Variants in MPHOSPH8 observed in about 807,000 individuals in gnomAD.
MPHOSPH8 encodes the protein M-phase phosphoprotein, mpp.
A neutral mutation model predicts 87.3 loss-of-function variants in MPHOSPH8; 45 were observed. The ratio of observed to expected loss-of-function variants is 0.52; its 90% CI spans 0.41 to 0.66. MPHOSPH8 has a LOEUF of 0.66. Ranked by LOEUF, MPHOSPH8 falls within the 30% of genes least tolerant of loss-of-function variation. The pLI is 0.00. For missense variants in MPHOSPH8, 883 were observed against 1,020.2 expected, an observed-to-expected ratio of 0.87 and a Z score of 1.83; for synonymous variants, 366 against 376.9, an observed-to-expected ratio of 0.97 and a Z score of 0.33.
chr13:19,653,946 A>C (rs1875006687), intron 5 of MPHOSPH8, among the ~76,000 whole-genome samples: 1 of 152,232 alleles, frequency 6.6e-6, no homozygotes, highest in Non-Finnish European at 1.5e-5. Flanking sequence ...TGTACGTGAA[A>C]GTGACGAGGA....
At chr13:19,638,667 G>C (rs1874126383) in intron 1 of MPHOSPH8, among the ~76,000 whole-genome samples, 1 of 152,008 alleles carries the variant, frequency 6.6e-6, no homozygotes, top group Non-Finnish European at 1.5e-5. Flanking sequence ...CTTGAGTTCA[G>C]ATTCTACTCA....
At chr13:19,649,982 C>T in intron 4 of MPHOSPH8, 21 bp from the exon 5 acceptor site, 1 of 1,527,498 alleles carries the variant, frequency 6.5e-7, no homozygotes, top group South Asian at 1.2e-5. Flanking sequence ...ACTTAACCAT[C>T]TATTTTAATT....
rs199790735 is a variant in MPHOSPH8, at chr13:19,670,309, G to A, written c.2403G>A (p.Pro801=). ...GKEVIARLCG[P]CSVQAVVLND... ...AAGTTATTGCTCGGCTCTGTGGACC[G>A]TGTAGTGTACAAGCTGTAGTTCTGA... The change falls in exon 12 of 14, where the codon CCG becomes CCA. Residue 801 remains proline, a synonymous_variant. Coordinates refer to ENST00000361479, the MANE Select transcript of MPHOSPH8 (RefSeq NM_017520.4). The A allele has an allele frequency of 8.1e-6, 13 of 1,613,946 alleles. No individual in the cohort carries two copies. The highest frequency in any genetic ancestry group is 4.0e-5 in the African/African-American group (3 of 75,036).
Position 19,672,988 on chromosome 13 carries a change from C to G in MPHOSPH8, c.*1113C>G, listed in dbSNP as rs1460956865. The G allele has an allele frequency of 1.2e-5, 5 of 415,612 alleles. No homozygotes were observed. The highest frequency in any genetic ancestry group is 6.1e-5 in the Admixed American group (2 of 33,052). 25.7% of individuals were successfully genotyped at this position (415,612 alleles called of 1,614,324 possible). A position where few individuals can be genotyped will look rare whatever the true frequency, so the allele number is the denominator to read the frequency against. ...AAAGGATTGCTTGAGCCAGGGAGGT[C>G]AAGGCTGCAGTGAGCCGTGAAAGGC... On this transcript the variant is annotated 3_prime_UTR_variant, in exon 14 of 14. Transcript: ENST00000361479.
At position 19,659,267 on chromosome 13, in the gene MPHOSPH8, A is replaced by G; in HGVS notation, c.1769A>G (p.Glu590Gly). ...GTAAAAGTTGCACTTAATTCAAATG[A>G]AGAATATAACCTGGACCAAGAGGTA... ...ITVKVALNSN[E>G]EYNLDQEDSS... The change falls in exon 7 of 14, where the codon GAA becomes GGA. Residue 590 changes from glutamate (E) to glycine (G), a missense_variant. Physicochemically the swap from Glu to Gly is moderately conservative, Grantham distance 98. Coordinates refer to ENST00000361479, the MANE Select transcript of MPHOSPH8 (RefSeq NM_017520.4). 1 of 1,611,176 alleles carries G rather than the reference A, an allele frequency of 6.2e-7. No individual in the cohort carries two copies. Among genetic ancestry groups the G allele is most frequent in the South Asian group, 1.1e-5 (1 of 90,976 alleles).
chr13:19,668,774 T>A (rs1382939457), intron 11 of MPHOSPH8, among the ~76,000 whole-genome samples: 3 of 151,644 alleles, frequency 2.0e-5, no homozygotes, highest in African/African-American at 4.9e-5. Context: ...TAGTTCTCAA[T>A]GAGTTTTATT....
At chr13:19,662,919 C>G in intron 8 of MPHOSPH8, 121 bp from the exon 9 acceptor site, 1 of 841,888 alleles carries the variant, frequency 1.2e-6, no homozygotes, top group Non-Finnish European at 1.9e-6. Flanking sequence ...TGCTGCAGCC[C>G]GCAACCACTT....
chr13:19,635,291 C>T (rs979467246), intron 1 of MPHOSPH8, among the ~76,000 whole-genome samples: 12 of 152,086 alleles, frequency 7.9e-5, no homozygotes, highest in Non-Finnish European at 1.8e-4. Context: ...GAGGCCAAGG[C>T]GGACGGATCA....
intron 11 of MPHOSPH8, among the ~76,000 whole-genome samples, 179 bp from the exon 12 acceptor site, chr13:19,670,057 G>A (rs1161584224): frequency 6.6e-6 from 1 of 152,242 alleles, no homozygotes; most frequent in Non-Finnish European, 1.5e-5. Context: ...TTCTGTGGTT[G>A]AAAAATGCCA....
At chr13:19,634,489 T>C (rs1210476151) in intron 1 of MPHOSPH8, among the ~76,000 whole-genome samples, 1 of 152,170 alleles carries the variant, frequency 6.6e-6, no homozygotes, top group Admixed American at 6.5e-5. Flanking sequence ...GTTGTATAGC[T>C]CGCAGCCACA....
At chr13:19,654,702 A>G (rs1875053311) in intron 5 of MPHOSPH8, among the ~76,000 whole-genome samples, 1 of 152,232 alleles carries the variant, frequency 6.6e-6, no homozygotes, top group South Asian at 2.1e-4. Context: ...TATTCCCAGC[A>G]CTTTGGGAGG....
At chr13:19,637,309 A>G (rs1874059174) in intron 1 of MPHOSPH8, among the ~76,000 whole-genome samples, 1 of 152,222 alleles carries the variant, frequency 6.6e-6, no homozygotes, top group African/African-American at 2.4e-5. Context: ...GTAATTTTCT[A>G]GTCTCCACTG....
Position 19,666,467 on chromosome 13 carries a change from G to C in MPHOSPH8, c.2062G>C (p.Glu688Gln), listed in dbSNP as rs1019914790. The C allele has an allele frequency of 1.9e-6, 3 of 1,611,068 alleles. No individual in the cohort carries two copies. The highest frequency in any genetic ancestry group is 2.5e-6 in the Non-Finnish European group (3 of 1,177,486). ...GNSDIVRLVIECGADCNILSK... is the reference protein window; with the variant it reads ...GNSDIVRLVIQCGADCNILSK... ...TTCAGACATCGTACGACTCGTAATT[G>C]AATGTGGAGCTGACTGCAATATTTT... Residue 688 changes from glutamate to glutamine, a missense_variant, in exon 10 of 14, where the codon GAA becomes CAA. Glu to Gln is a conservative substitution (Grantham distance 29). Transcript: ENST00000361479.
chr13:19,654,047 A>C (rs1875013546), intron 5 of MPHOSPH8, among the ~76,000 whole-genome samples: 1 of 152,196 alleles, frequency 6.6e-6, no homozygotes, highest in Admixed American at 6.5e-5. Flanking sequence ...AAATTCAGGA[A>C]ATACAGAGAG....
Position 19,661,797 on chromosome 13 carries a change from C to T in MPHOSPH8, c.1891C>T (p.Gln631Ter). Reference sequence around the variant, plus strand: ...AAAAGGCGCGAAAGTGAACGGTCGGCAGAAGAACGGGACCACCGCCCTCAT... The same window carrying T: ...AAAAGGCGCGAAAGTGAACGGTCGGTAGAAGAACGGGACCACCGCCCTCAT... ...ITKGAKVNGR[Q>*]KNGTTALIHA... The change falls in exon 8 of 14, where the codon CAG (glutamine) becomes TAG (stop). Residue 631 changes from glutamine to a stop codon, truncating the protein, a stop_gained. Transcript: ENST00000361479. LOFTEE classifies it high-confidence loss of function. 6 of 1,613,330 alleles carry T rather than the reference C, an allele frequency of 3.7e-6. No homozygotes were observed. The highest frequency in any genetic ancestry group is 5.1e-6 in the Non-Finnish European group (6 of 1,179,622).
At chr13:19,663,227 GT>G in intron 9 of MPHOSPH8, 101 bp downstream of exon 9, 4 of 1,069,308 alleles carry the variant, frequency 3.7e-6, no homozygotes, top group Non-Finnish European at 5.7e-6. Flanking sequence ...TGAGAACAGA[GT>G]GGGTACCAAG....
Position 19,666,515 on chromosome 13 carries a change from C to CTT in MPHOSPH8, c.2111_2112insTT (p.His705CysfsTer16). 6.2e-7 allele frequency: 1 copy of CTT among 1,607,828 alleles called. No individual in the cohort carries two copies. The highest frequency in any genetic ancestry group is 2.2e-5 in the East Asian group (1 of 44,710). On this transcript the variant is annotated frameshift_variant, in exon 10 of 14. Transcript: ENST00000361479. LOFTEE classifies it high-confidence loss of function. ...TTTGTCAAAGCACCAGAATAGTGCCCTGCACTTTGCGAAGCAGTCTAACAA... is the reference window on the plus strand; with the variant it reads ...TTTGTCAAAGCACCAGAATAGTGCCCTTTGCACTTTGCGAAGCAGTCTAACAA...
chr13:19,652,960 C>T (rs946994680), intron 5 of MPHOSPH8, among the ~76,000 whole-genome samples: 4 of 152,196 alleles, frequency 2.6e-5, no homozygotes, highest in Non-Finnish European at 5.9e-5. Flanking sequence ...CCCCCATCTC[C>T]CTGGGACAGA....
At chr13:19,649,226 A>T (rs1874721909) in intron 4 of MPHOSPH8, among the ~76,000 whole-genome samples, 1 of 152,166 alleles carries the variant, frequency 6.6e-6, no homozygotes, top group South Asian at 2.1e-4. Flanking sequence ...TTCTTCAAAG[A>T]ATGACTAGAG....
Sources: gnomAD v4.1 joint callset for allele counts (sites outside exome capture counted in the v4.1 genomes callset) on GRCh38, gnomAD v4.1.1 for gene constraint, MANE v1.5 for transcripts, NCBI Gene and HGNC (gene_info 2026-07-23, HGNC 2026-07-21) for gene names.